Variants in SIK3 observed in about 807,000 individuals in gnomAD.
SIK3 encodes the protein SIK family kinase 3.
A neutral mutation model predicts 144.2 loss-of-function variants in SIK3; 28 were observed. That is an observed-to-expected ratio of 0.19 (90% confidence interval 0.14 to 0.27). The LOEUF is 0.27. Among genes scored for constraint, SIK3 ranks in the 10% least tolerant of loss-of-function variants. The probability of loss-of-function intolerance (pLI) is 1.00; values close to 1 mark genes in which losing one functional copy is unlikely to be tolerated. For synonymous variants in SIK3, 686 were observed against 676.3 expected (o/e 1.01, Z -0.22); for missense variants, 1,319 against 1,776.0 (o/e 0.74, Z 4.62).
Position 116,858,850 on chromosome 11 carries a change from T to TCCATTACA in SIK3, c.2766-152_2766-151insTGTAATGG, listed in dbSNP as rs368406433. On this transcript the variant is annotated intron_variant, in intron 20 of 24. Transcript: ENST00000445177. The surrounding 1 kb of genome is among the most constrained non-coding windows in gnomAD (Gnocchi z 5.4). ...AGATGTATGCATTGTCCCTATTTAT[T>TCCATTACA]CCATTACTGGCTTGTCCAGTAACCT... is the stretch of plus-strand genomic sequence containing the variant. 155 of 1,226,064 alleles carry TCCATTACA rather than the reference T, an allele frequency of 1.3e-4. No homozygotes were observed. The African/African-American group carries it at 2.1e-3, about 17-fold the overall frequency. 75.9% of individuals were successfully genotyped at this position (1,226,064 alleles called of 1,614,324 possible). A position where few individuals can be genotyped will look rare whatever the true frequency, so the allele number is the denominator to read the frequency against.
Position 117,093,908 on chromosome 11 carries a change from GA to G in SIK3, c.273+4234del, listed in dbSNP as rs1402923363. Reference sequence around the variant, plus strand: ...CCCAAGGGGTGAGAAGCAAAAAAAGGAGGACTATTATTATGTCCATAATATT... The same window carrying G: ...CCCAAGGGGTGAGAAGCAAAAAAAGGGGACTATTATTATGTCCATAATATT... On this transcript the variant is annotated intron_variant, in intron 1 of 24. Transcript: ENST00000445177. Among the ~76,000 whole-genome samples the G allele has an allele frequency of 3.3e-5, 5 of 152,090 alleles. No homozygotes were observed. In the East Asian group the frequency reaches 9.6e-4, roughly 29 times the overall value.
At chr11:116,907,490 T>TA (rs1946103796) in intron 4 of SIK3, among the ~76,000 whole-genome samples, 1 of 151,998 alleles carries the variant, frequency 6.6e-6, no homozygotes, top group South Asian at 2.1e-4. Context: ...CTACTAAAAA[T>TA]AAAAAATTAG....
intron 1 of SIK3, among the ~76,000 whole-genome samples, chr11:117,071,782 ATTTTTTTTTTT>A (rs57735255): frequency 9.5e-6 from 1 of 105,642 alleles, no homozygotes; most frequent in Non-Finnish European, 1.8e-5. Flanking sequence ...TGCTTGGTTA[ATTTTTTTTTTT>A]TTTTTTTTTT....
chr11:116,930,096 T>A (rs1181123742), intron 3 of SIK3, among the ~76,000 whole-genome samples: 2 of 152,094 alleles, frequency 1.3e-5, no homozygotes, highest in Non-Finnish European at 2.9e-5. Flanking sequence ...TTTTTTTTTT[T>A]AAAGTGTTCA....
At chr11:116,981,392 C>T (rs905016794) in intron 1 of SIK3, among the ~76,000 whole-genome samples, 3 of 152,160 alleles carry the variant, frequency 2.0e-5, no homozygotes, top group Non-Finnish European at 4.4e-5. Context: ...CTGATGGGTT[C>T]CAAGAATGAG....
intron 1 of SIK3, among the ~76,000 whole-genome samples, chr11:117,013,916 G>GTGTGTGTGTGTGTGTA (rs1951393371): frequency 1.4e-5 from 1 of 69,484 alleles, no homozygotes; most frequent in Non-Finnish European, 3.4e-5. Context: ...GGGGGGGAGG[G>GTGTGTGTGTGTGTGTA]TGTGTGTGTG....
chr11:116,868,854 C>A (rs1388873996), intron 14 of SIK3: 1 of 152,226 alleles, frequency 6.6e-6, no homozygotes, highest in Non-Finnish European at 1.5e-5. Context: ...TTAGTTAATA[C>A]CATCAATAAG....
At chr11:116,884,507 A>C (rs187781690) in intron 6 of SIK3, among the ~76,000 whole-genome samples, 79 of 152,194 alleles carry the variant, frequency 5.2e-4, no homozygotes, top group South Asian at 1.2e-3. Context: ...CTACAGGTGC[A>C]TGCCACCACG....
chr11:116,873,119 G>T (rs753407744), intron 13 of SIK3, among the ~76,000 whole-genome samples: 3 of 152,198 alleles, frequency 2.0e-5, no homozygotes, highest in Non-Finnish European at 4.4e-5. Flanking sequence ...TTAATTTAAG[G>T]GCACTTTGGC....
intron 1 of SIK3, among the ~76,000 whole-genome samples, chr11:116,997,940 G>C (rs963957222): frequency 2.6e-5 from 4 of 152,122 alleles, no homozygotes; most frequent in Non-Finnish European, 5.9e-5. Context: ...GCTCATTGCA[G>C]CTTTAAATTC....
chr11:116,891,005 A>C (rs911127962), intron 6 of SIK3, among the ~76,000 whole-genome samples: 1 of 152,214 alleles, frequency 6.6e-6, no homozygotes, highest in South Asian at 2.1e-4. Flanking sequence ...TGCACTGTAC[A>C]TAGTAAGGTA....
Position 116,844,475 on chromosome 11 carries a change from T to C in SIK3, c.*1168A>G, listed in dbSNP as rs1261329880. The C allele has an allele frequency of 1.3e-5, 2 of 149,814 alleles. No homozygotes were observed. Among genetic ancestry groups the C allele is most frequent in the Non-Finnish European group, 3.0e-5 (2 of 67,588 alleles). 9.3% of individuals were successfully genotyped at this position (149,814 alleles called of 1,614,324 possible). The stretch of plus-strand genomic sequence containing the variant: ...TTCTACATGATCAAGAATTAAAATA[T>C]AGGGGCTGAGGGTACCCAGTGGGGA... On this transcript the variant is annotated 3_prime_UTR_variant, in exon 25 of 25. Transcript: ENST00000445177.
intron 6 of SIK3, among the ~76,000 whole-genome samples, chr11:116,893,350 A>G (rs1945230466): frequency 2.0e-5 from 3 of 152,132 alleles, no homozygotes; most frequent in Admixed American, 2.0e-4. Flanking sequence ...CTTCCACTCA[A>G]TACTGCTGTG....
At position 117,001,519 on chromosome 11, in the gene SIK3, T is replaced by G. The variant is rs12275119; in HGVS notation, c.274-44455A>C. 3.6e-3 allele frequency among the ~76,000 whole-genome samples: 552 copies of G among 151,378 alleles called. 4 individuals carry two copies. The highest frequency in any genetic ancestry group is 0.013 in the African/African-American group (529 of 41,202). On this transcript the variant is annotated intron_variant, in intron 1 of 24. Transcript: ENST00000445177. ...AGATTCCATCTCAAAAAAAAAAAATTTAAAATAAAGTAATTTGAGCTGGGC... is the reference window on the plus strand; with the variant it reads ...AGATTCCATCTCAAAAAAAAAAAATGTAAAATAAAGTAATTTGAGCTGGGC...
At chr11:116,855,849 AG>A (rs1942868127) in intron 21 of SIK3, 2 of 152,350 alleles carry the variant, frequency 1.3e-5, no homozygotes, top group Middle Eastern at 3.4e-3. Context: ...CTAGGGTTGT[AG>A]GGTTGTTGTA....
chr11:117,049,354 G>A (rs1483370326), intron 1 of SIK3, among the ~76,000 whole-genome samples: 1 of 152,000 alleles, frequency 6.6e-6, no homozygotes, highest in Non-Finnish European at 1.5e-5. Flanking sequence ...AAGGCCGGGA[G>A]ATCACTTAAG....
chr11:116,993,128 C>T (rs1478897529), intron 1 of SIK3, among the ~76,000 whole-genome samples: 1 of 152,156 alleles, frequency 6.6e-6, no homozygotes, highest in South Asian at 2.1e-4. Context: ...CTGAGGTGAT[C>T]CTCCCACATC....
At chr11:117,027,493 T>C (rs773920728) in intron 1 of SIK3, among the ~76,000 whole-genome samples, 38 of 152,146 alleles carry the variant, frequency 2.5e-4, no homozygotes, top group Non-Finnish European at 4.7e-4. Context: ...AATTTCACTC[T>C]TGTCGCCCAG....
chr11:117,013,951 T>TGTGTGTGTGTG (rs1350690829), intron 1 of SIK3, among the ~76,000 whole-genome samples: 6 of 95,344 alleles, frequency 6.3e-5, no homozygotes, highest in South Asian at 3.2e-4. Context: ...TGTGTGTGTG[T>TGTGTGTGTGTG]TTTATTTCTT....
Sources: gnomAD v4.1 joint callset for allele counts (sites outside exome capture counted in the v4.1 genomes callset) on GRCh38, gnomAD v4.1.1 for gene constraint, Gnocchi (gnomAD v3.1) non-coding constraint, MANE v1.5 for transcripts, NCBI Gene and HGNC (gene_info 2026-07-23, HGNC 2026-07-21) for gene names.